MAN1A1: variants seen among roughly 807,000 people sequenced by gnomAD.
MAN1A1 encodes mannosyl-oligosaccharide 1,2-alpha-mannosidase IA.
In MAN1A1, 29 loss-of-function variants were observed where a neutral mutation model predicts 70.8. The observed-to-expected ratio is 0.41, with a 90% confidence interval of 0.31 to 0.56. The LOEUF (loss-of-function observed/expected upper bound fraction) is 0.56. Ranked by LOEUF, MAN1A1 falls within the 20% of genes least tolerant of loss-of-function variation. The probability of loss-of-function intolerance (pLI) is 0.29; values close to 1 mark genes in which losing one functional copy is unlikely to be tolerated. For missense variants in MAN1A1, 747 were observed against 841.3 expected (o/e 0.89, Z 1.39); for synonymous variants, 349 against 330.1 (o/e 1.06, Z -0.62).
chr6:119,186,915 A>C (rs953874714), intron 11 of MAN1A1, among the ~76,000 whole-genome samples: 14 of 152,270 alleles, frequency 9.2e-5, no homozygotes, highest in African/African-American at 2.9e-4. Context: ...GGGCATCCCC[A>C]AAATTGAGAC....
intron 5 of MAN1A1, among the ~76,000 whole-genome samples, chr6:119,287,517 A>G (rs1036073223): frequency 6.6e-6 from 1 of 152,040 alleles, no homozygotes. Context: ...CTGAAAAATA[A>G]TTCTAATTTA....
At chr6:119,189,140 C>A (rs1451609665) in intron 10 of MAN1A1, among the ~76,000 whole-genome samples, 1 of 152,012 alleles carries the variant, frequency 6.6e-6, no homozygotes, top group Admixed American at 6.6e-5. Flanking sequence ...TCATTTAACC[C>A]CCATTTACTG....
chr6:119,341,393 G>A (rs1000236749), intron 2 of MAN1A1, among the ~76,000 whole-genome samples: 4 of 152,108 alleles, frequency 2.6e-5, no homozygotes, highest in Admixed American at 2.6e-4. Flanking sequence ...CAAAGCACAC[G>A]TTCTCATTAG....
intron 5 of MAN1A1, among the ~76,000 whole-genome samples, chr6:119,259,054 A>T (rs1018262556): frequency 3.3e-5 from 5 of 152,190 alleles, no homozygotes; most frequent in African/African-American, 1.2e-4. Flanking sequence ...TTTCCTCAGG[A>T]ATAATAGAAG....
intron 5 of MAN1A1, among the ~76,000 whole-genome samples, chr6:119,254,581 T>C (rs1460610726): frequency 2.0e-5 from 3 of 152,230 alleles, no homozygotes; most frequent in Non-Finnish European, 2.9e-5. Flanking sequence ...GAGGATTTTA[T>C]AAAGTTAAGA....
intron 8 of MAN1A1, among the ~76,000 whole-genome samples, chr6:119,195,134 G>C (rs1016710864): frequency 2.0e-5 from 3 of 151,988 alleles, no homozygotes; most frequent in Admixed American, 2.0e-4. Flanking sequence ...GCCTGGCCCA[G>C]AGTTCTAATG....
chr6:119,324,086 A>G (rs1442808779), intron 2 of MAN1A1, among the ~76,000 whole-genome samples: 1 of 152,120 alleles, frequency 6.6e-6, no homozygotes, highest in Non-Finnish European at 1.5e-5. Context: ...CTGACCCTTG[A>G]ACAACATGGG....
At chr6:119,327,627 A>G (rs1262057669) in intron 2 of MAN1A1, among the ~76,000 whole-genome samples, 1 of 152,112 alleles carries the variant, frequency 6.6e-6, no homozygotes, top group East Asian at 1.9e-4. Flanking sequence ...TTAAGATGGT[A>G]GTAAAACATG....
At position 119,289,090 on chromosome 6, in the gene MAN1A1, G is replaced by C. The variant is rs1006407518; in HGVS notation, c.897+1593C>G. 4.6e-5 allele frequency among the ~76,000 whole-genome samples: 7 copies of C among 151,342 alleles called. No homozygotes were observed. The East Asian group carries it at 1.4e-3, about 29-fold the overall frequency. ...TTATATATATATATATACATATCAA[G>C]TATACACATATATAGAAACACATAT... On this transcript the variant is annotated intron_variant, in intron 5 of 12. Coordinates refer to ENST00000368468, the MANE Select transcript of MAN1A1 (RefSeq NM_005907.4).
intron 6 of MAN1A1, among the ~76,000 whole-genome samples, chr6:119,225,157 T>C (rs1419548638): frequency 1.3e-5 from 2 of 151,852 alleles, no homozygotes; most frequent in Non-Finnish European, 2.9e-5. Flanking sequence ...AAAAAAAAAA[T>C]TGTATCTGAA....
chr6:119,252,192 G>A (rs6933961), intron 5 of MAN1A1, among the ~76,000 whole-genome samples: 129,767 of 152,198 alleles, frequency 0.85, 55,634 homozygotes, highest in Non-Finnish European at 0.9. Flanking sequence ...TGATTAGGTG[G>A]GCACAAAAGT....
rs960101936 is a variant in MAN1A1 at position 119,349,741 on chromosome 6, C to A, written c.-422G>T. 5 of 985,468 alleles carry A rather than the reference C, an allele frequency of 5.1e-6. No homozygotes were observed. Among genetic ancestry groups the A allele is most frequent in the Middle Eastern group, 5.2e-4 (1 of 1,934 alleles). 61.0% of individuals were successfully genotyped at this position (985,468 alleles called of 1,614,324 possible). On this transcript the variant is annotated 5_prime_UTR_variant, in exon 1 of 13. Coordinates refer to ENST00000368468, the MANE Select transcript of MAN1A1 (RefSeq NM_005907.4). ...GCGAGTAGAGCAGCACGGTACACTC[C>A]GCCGCGGCCCCGCGAGCACTAATCT...
At chr6:119,247,485 T>C (rs1458148951) in intron 6 of MAN1A1, among the ~76,000 whole-genome samples, 1 of 152,214 alleles carries the variant, frequency 6.6e-6, no homozygotes, top group Admixed American at 6.5e-5. Flanking sequence ...CTCATCATTA[T>C]CACAGAGAGG....
Position 119,188,426 on chromosome 6 carries a change from T to C in MAN1A1, c.1698A>G (p.Lys566=), listed in dbSNP as rs750495452. The change falls in exon 11 of 13, where the codon AAA becomes AAG. Residue 566 remains lysine (K), a synonymous_variant. Transcript: ENST00000368468. ...TCACCTCTACGGCTTCCCAGGCCCATTTCCTGTACTTTGGATCATGAGTCA... is the reference window on the plus strand; with the variant it reads ...TCACCTCTACGGCTTCCCAGGCCCACTTCCTGTACTTTGGATCATGAGTCA... ...WRLTHDPKYR[K]WAWEAVEALE... The C allele has an allele frequency of 9.3e-6, 15 of 1,609,682 alleles. No individual in the cohort carries two copies. Among genetic ancestry groups the C allele is most frequent in the African/African-American group, 1.3e-5 (1 of 74,702 alleles).
chr6:119,288,206 A>T (rs567791980), intron 5 of MAN1A1, among the ~76,000 whole-genome samples: 1 of 152,026 alleles, frequency 6.6e-6, no homozygotes, highest in African/African-American at 2.4e-5. Context: ...TCTTGAGCTG[A>T]TATCAATGTG....
chr6:119,267,972 T>C (rs1052704571), intron 5 of MAN1A1, among the ~76,000 whole-genome samples: 3 of 151,328 alleles, frequency 2.0e-5, no homozygotes, highest in East Asian at 1.9e-4. Context: ...TCTGTATTTA[T>C]GACAAATTGG....
In MAN1A1 at chr6:119,211,584, C is replaced by T. The variant is rs1582700183; in HGVS notation, c.993-6702G>A. Among the ~76,000 whole-genome samples the T allele has an allele frequency of 2.6e-5, 4 of 152,178 alleles. No homozygotes were observed. In the South Asian group the frequency reaches 8.3e-4, roughly 32 times the overall value. ...CATATTTAGTGTCACCACATACATG[C>T]CCCTCTTATAGCCAATTTAAGGAAA... is the stretch of plus-strand genomic sequence containing the variant. On this transcript the variant is annotated intron_variant, in intron 6 of 12. Transcript: ENST00000368468.
chr6:119,343,900 G>A (rs1773661648), intron 2 of MAN1A1, among the ~76,000 whole-genome samples: 1 of 152,180 alleles, frequency 6.6e-6, no homozygotes, highest in African/African-American at 2.4e-5. Context: ...GATCTACCCT[G>A]TGTATTCAGC....
intron 8 of MAN1A1, among the ~76,000 whole-genome samples, chr6:119,195,385 C>T (rs915299826): frequency 1.2e-4 from 19 of 152,132 alleles, no homozygotes; most frequent in African/African-American, 4.6e-4. Context: ...CTTCTATAGG[C>T]CTTGTTCTCT....
Sources: allele counts gnomAD v4.1 joint callset (sites outside exome capture counted in the v4.1 genomes callset), GRCh38; gene constraint gnomAD v4.1.1; transcripts MANE v1.5; gene names NCBI Gene and HGNC (gene_info 2026-07-23, HGNC 2026-07-21).